The following CLVS1 variants were observed in gnomAD, a reference collection of about 807,000 sequenced individuals.
CLVS1 encodes the protein clavesin-1.
A neutral mutation model predicts 33.1 loss-of-function variants in CLVS1; 10 were observed. That is an observed-to-expected ratio of 0.30 (90% CI 0.19 to 0.51). CLVS1 has a LOEUF of 0.51. Among genes scored for constraint, CLVS1 ranks in the 20% least tolerant of loss-of-function variants. The pLI is 0.97. For missense variants in CLVS1, 343 were observed against 433.4 expected, an observed-to-expected ratio of 0.79 and a Z score of 1.85; for synonymous variants, 163 against 166.1, an observed-to-expected ratio of 0.98 and a Z score of 0.14.
intron 1 of CLVS1, among the ~76,000 whole-genome samples, chr8:61,062,881 T>C (rs1804605481): frequency 6.6e-6 from 1 of 152,242 alleles, no homozygotes; most frequent in Non-Finnish European, 1.5e-5. Flanking sequence ...TGTTAGTTAC[T>C]ATGAAATTAC....
intron 1 of CLVS1, among the ~76,000 whole-genome samples, chr8:61,059,499 T>TATATATATATATATATATATAA (rs1265187479): frequency 1.0e-5 from 1 of 96,352 alleles, no homozygotes; most frequent in Non-Finnish European, 2.0e-5. Context: ...TATATATATA[T>TATATATATATATATATATATAA]ACACATATCT....
At chr8:61,096,092 T>C (rs116756954) in intron 1 of CLVS1, among the ~76,000 whole-genome samples, 27 of 152,310 alleles carry the variant, frequency 1.8e-4, no homozygotes, top group African/African-American at 6.3e-4. Flanking sequence ...TCCCCTTTTG[T>C]CAGGCAGAAC....
intron 3 of CLVS1, among the ~76,000 whole-genome samples, chr8:61,432,522 C>A (rs1816152385): frequency 6.6e-6 from 1 of 152,156 alleles, no homozygotes; most frequent in Non-Finnish European, 1.5e-5. Flanking sequence ...ATGCTGGAAA[C>A]AGACAGCCAT....
the CLVS1 span, among the ~76,000 whole-genome samples, chr8:61,027,797 T>C: frequency 6.6e-6 from 1 of 152,168 alleles, no homozygotes; most frequent in African/African-American, 2.4e-5. Flanking sequence ...TCACTTGTCA[T>C]CAGGATATTT....
chr8:61,230,205 A>G (rs192395224), intron 2 of CLVS1, among the ~76,000 whole-genome samples: 3 of 152,338 alleles, frequency 2.0e-5, no homozygotes, highest in Admixed American at 1.3e-4. Context: ...ACCCTGATGC[A>G]GACTACCGTG....
At chr8:61,158,721 A>G (rs1362125418) in intron 2 of CLVS1, among the ~76,000 whole-genome samples, 1 of 152,186 alleles carries the variant, frequency 6.6e-6, no homozygotes, top group Non-Finnish European at 1.5e-5. Flanking sequence ...CTTGAAATGG[A>G]TTCCAAAACA....
intron 2 of CLVS1, among the ~76,000 whole-genome samples, chr8:61,341,840 A>G (rs1428822340): frequency 6.6e-6 from 1 of 152,222 alleles, no homozygotes; most frequent in Non-Finnish European, 1.5e-5. Context: ...TGAAGGTGTG[A>G]ATACCCCTGA....
the CLVS1 span, among the ~76,000 whole-genome samples, chr8:60,990,305 T>C: frequency 1.3e-5 from 2 of 152,186 alleles, no homozygotes; most frequent in Non-Finnish European, 2.9e-5. Flanking sequence ...GATTATGGTC[T>C]GGACAATAGA....
the CLVS1 span, among the ~76,000 whole-genome samples, chr8:60,999,063 G>A: frequency 6.6e-6 from 1 of 152,134 alleles, no homozygotes; most frequent in African/African-American, 2.4e-5. Flanking sequence ...GTGTGGGATC[G>A]AGGCGACAGA....
At chr8:61,283,652 TC>T (rs1809719266), upstream of CLVS1, among the ~76,000 whole-genome samples, 1 of 152,190 alleles carries the variant, frequency 6.6e-6, no homozygotes, top group Admixed American at 6.5e-5. Context: ...GGAGTAGAGA[TC>T]TTCTGTTGCC....
chr8:61,127,907 G>A (rs559638449), intron 1 of CLVS1, among the ~76,000 whole-genome samples: 2 of 152,194 alleles, frequency 1.3e-5, no homozygotes, highest in Non-Finnish European at 2.9e-5. Flanking sequence ...CCAATTAGTA[G>A]TTAAGATGAC....
At chr8:60,966,312 G>A in the CLVS1 span, 1 of 453,296 alleles carries the variant, frequency 2.2e-6, no homozygotes, top group Non-Finnish European at 4.4e-6. Flanking sequence ...GGATCCTCAA[G>A]CAGCAGCCTC....
intron 2 of CLVS1, among the ~76,000 whole-genome samples, chr8:61,310,670 C>T (rs56679409): frequency 0.035 from 5,298 of 152,272 alleles, 293 homozygotes; most frequent in African/African-American, 0.11. Flanking sequence ...AATCCTTACC[C>T]AATGTCTGCC....
At chr8:61,287,193 G>A (rs1409604677), upstream of CLVS1, among the ~76,000 whole-genome samples, 4 of 152,070 alleles carry the variant, frequency 2.6e-5, no homozygotes, top group East Asian at 7.7e-4. Flanking sequence ...TATAAGACAT[G>A]CATATTTAAA....
At chr8:61,034,603 T>G in the CLVS1 span, among the ~76,000 whole-genome samples, 2 of 152,098 alleles carry the variant, frequency 1.3e-5, no homozygotes, top group African/African-American at 4.8e-5. Context: ...ATTCCACGTG[T>G]AAATGAAATC....
chr8:61,253,156 A>G (rs1303654626), intron 2 of CLVS1, among the ~76,000 whole-genome samples: 4 of 152,082 alleles, frequency 2.6e-5, no homozygotes, highest in Non-Finnish European at 4.4e-5. Context: ...TCTGAAAAGT[A>G]TTTTATTTCT....
intron 1 of CLVS1, among the ~76,000 whole-genome samples, chr8:61,082,514 C>A (rs541237746): frequency 4.3e-4 from 66 of 151,914 alleles, no homozygotes; most frequent in African/African-American, 1.2e-3. Context: ...ACAACAACAA[C>A]AAAAAACTGT....
the CLVS1 span, among the ~76,000 whole-genome samples, chr8:61,024,244 G>T: frequency 6.6e-6 from 1 of 152,106 alleles, no homozygotes; most frequent in Admixed American, 6.5e-5. Context: ...GGTGTGGTGG[G>T]GGCAATGGCA....
chr8:61,310,828 G>A (rs1021607973), intron 2 of CLVS1, among the ~76,000 whole-genome samples: 1 of 152,144 alleles, frequency 6.6e-6, no homozygotes, highest in Non-Finnish European at 1.5e-5. Flanking sequence ...GCGATTGAAG[G>A]CATCATTTCT....
Sources: allele counts gnomAD v4.1 joint callset (sites outside exome capture counted in the v4.1 genomes callset), GRCh38; gene constraint gnomAD v4.1.1; transcripts MANE v1.5; gene names NCBI Gene and HGNC (gene_info 2026-07-23, HGNC 2026-07-21).